The following CCDC86 variants were observed in gnomAD, a reference collection of about 807,000 sequenced individuals.
CCDC86 encodes the protein coiled-coil domain-containing protein 86.
CCDC86 carries 28 observed loss-of-function variants against 36.7 expected under a neutral mutation model. The ratio of observed to expected loss-of-function variants is 0.76; its 90% CI spans 0.57 to 1.05. CCDC86 has a LOEUF of 1.05. Among genes scored for constraint, CCDC86 ranks in the 50% least tolerant of loss-of-function variants. The pLI is 0.00. For missense variants in CCDC86, 453 were observed against 470.2 expected (o/e 0.96, Z 0.34); for synonymous variants, 199 against 203.4 (o/e 0.98, Z 0.18).
At position 60,842,793 on chromosome 11, in the gene CCDC86, G is replaced by T. The variant is rs762015618; in HGVS notation, c.669G>T (p.Ala223=). 2 of 1,611,688 alleles carry T rather than the reference G, an allele frequency of 1.2e-6. No homozygotes were observed. Among genetic ancestry groups the T allele is most frequent in the Admixed American group, 3.3e-5 (2 of 59,796 alleles). Residue 223 remains alanine, a synonymous_variant, in exon 1 of 4, where the codon GCG becomes GCT. Coordinates refer to ENST00000227520, the MANE Select transcript of CCDC86 (RefSeq NM_024098.4). ...AAGGTTCTTCATCCCAGGCCCCAGC[G>T]TCCAAGAAGTTGAATAAAGAGGAGC... The part of the protein sequence containing the change: ...KRKGSSSQAP[A]SKKLNKEELP...
chr11:60,844,182 G>C (rs1855156824), intron 1 of CCDC86, among the ~76,000 whole-genome samples: 1 of 152,160 alleles, frequency 6.6e-6, no homozygotes, highest in South Asian at 2.1e-4. Flanking sequence ...TGAGCTAGAG[G>C]GGGCTGGGCC....
At chr11:60,843,017 A>T in intron 1 of CCDC86, 135 bp downstream of exon 1, 1 of 1,199,884 alleles carries the variant, frequency 8.3e-7, no homozygotes, top group African/African-American at 1.5e-5. Flanking sequence ...GCAAACAGGT[A>T]ATTACAATCA....
chr11:60,842,492 A>T lies in CCDC86; in HGVS notation c.368A>T (p.Glu123Val). Residue 123 changes from glutamate to valine, a missense_variant, in exon 1 of 4, where the codon GAG becomes GTG. Transcript: ENST00000227520. ...CGATGTCAGCCGAAGCCAAGTGAGGAGGCACCAAAGTGTTCTCAGGACCAG... is the reference window on the plus strand; with the variant it reads ...CGATGTCAGCCGAAGCCAAGTGAGGTGGCACCAAAGTGTTCTCAGGACCAG... The part of the protein sequence containing the change: ...SPRCQPKPSE[E>V]APKCSQDQGV... The T allele has an allele frequency of 6.2e-7, 1 of 1,613,716 alleles. No homozygotes were observed. Among genetic ancestry groups the T allele is most frequent in the Non-Finnish European group, 8.5e-7 (1 of 1,179,872 alleles).
Position 60,842,262 on chromosome 11 carries a change from G to A in CCDC86, c.138G>A (p.Gly46=), listed in dbSNP as rs1855128132. 6.2e-7 allele frequency: 1 copy of A among 1,613,456 alleles called. No homozygotes were observed. Among genetic ancestry groups the A allele is most frequent in the African/African-American group, 1.3e-5 (1 of 75,044 alleles). ...ACCCAGAAGAAACGAGGGAGCCCGG[G>A]TCTCCTCCGAGTGTGCAGCGGGCTG... ...ESNPEETREP[G]SPPSVQRAGL... The change falls in exon 1 of 4, where the codon GGG becomes GGA. Residue 46 remains glycine (G), a synonymous_variant. Coordinates refer to ENST00000227520, the MANE Select transcript of CCDC86 (RefSeq NM_024098.4).
chr11:60,843,836 G>A (rs1013364421), intron 1 of CCDC86, among the ~76,000 whole-genome samples: 4 of 152,174 alleles, frequency 2.6e-5, no homozygotes, highest in African/African-American at 7.2e-5. Context: ...GCCAGGCTTC[G>A]TGCTAGGCCC....
chr11:60,843,591 C>T (rs988701152), intron 1 of CCDC86, among the ~76,000 whole-genome samples: 2 of 152,180 alleles, frequency 1.3e-5, no homozygotes, highest in African/African-American at 4.8e-5. Context: ...GGGGCAGGCA[C>T]GAGATCTTTC....
chr11:60,845,742 T>C (rs895927028), intron 1 of CCDC86, among the ~76,000 whole-genome samples: 1 of 152,250 alleles, frequency 6.6e-6, no homozygotes, highest in Admixed American at 6.5e-5. Context: ...ATTACGTGTG[T>C]GTGTCGATTA....
intron 1 of CCDC86, chr11:60,847,580 G>A (rs1389475421): frequency 5.9e-6 from 1 of 170,648 alleles, no homozygotes; most frequent in Admixed American, 6.1e-5. Flanking sequence ...GCGTAGCCTG[G>A]ACTCTGCAGT....
At chr11:60,847,699 C>T (rs1233166330) in intron 1 of CCDC86, 2 of 420,224 alleles carry the variant, frequency 4.8e-6, no homozygotes, top group African/African-American at 2.1e-5. Flanking sequence ...GGAGTACCCA[C>T]CTCAGAGGCA....
chr11:60,850,334 C>T lies in CCDC86; in HGVS notation c.*9C>T, dbSNP rs746574946. 1.7e-5 allele frequency: 28 copies of T among 1,612,464 alleles called. No homozygotes were observed. Among genetic ancestry groups the T allele is most frequent in the African/African-American group, 4.0e-5 (3 of 74,908 alleles). On this transcript the variant is annotated 3_prime_UTR_variant, in exon 4 of 4. Coordinates refer to ENST00000227520, the MANE Select transcript of CCDC86 (RefSeq NM_024098.4). ...CGGCAGCCAAGATCTGAGCTCAGGA[C>T]GGCCCGAGGCCTTCCATGGCCAACA...
intron 2 of CCDC86, among the ~76,000 whole-genome samples, chr11:60,849,472 C>T: frequency 6.6e-6 from 1 of 152,236 alleles, no homozygotes; most frequent in African/African-American, 2.4e-5. Flanking sequence ...TGCCCAGCCC[C>T]ACACCTGTGA....
chr11:60,845,529 C>T (rs1002406908), intron 1 of CCDC86, among the ~76,000 whole-genome samples: 6 of 152,186 alleles, frequency 3.9e-5, no homozygotes, highest in Non-Finnish European at 5.9e-5. Context: ...GGAGCAGCTT[C>T]GGTGGGTAGT....
At chr11:60,842,955 G>C in intron 1 of CCDC86, 73 bp downstream of exon 1, 1 of 1,497,994 alleles carries the variant, frequency 6.7e-7, no homozygotes, top group Non-Finnish European at 8.9e-7. Flanking sequence ...CCCTGCTGCA[G>C]CCTGGAGAAT....
rs1442962351 is a variant in CCDC86 at position 60,849,957 on chromosome 11, G to A, written c.906G>A (p.Arg302=). 1.9e-6 allele frequency: 3 copies of A among 1,613,992 alleles called. No individual in the cohort carries two copies. The South Asian group carries it at 3.3e-5, about 18-fold the overall frequency. ...TGTTCCAGGAGAAGAAACAGCGCCGGGCTGAGAACCTGAAACGCCGCCTGG... is the reference window on the plus strand; with the variant it reads ...TGTTCCAGGAGAAGAAACAGCGCCGAGCTGAGAACCTGAAACGCCGCCTGG... ...ERRRQEKKQR[R]AENLKRRLEN... The change falls in exon 3 of 4, where the codon CGG becomes CGA. Residue 302 remains arginine (R), a synonymous_variant. Transcript: ENST00000227520.
In CCDC86 at chr11:60,848,036, A is replaced by G. The variant is rs372994199; in HGVS notation, c.871A>G (p.Lys291Glu). The change falls in exon 2 of 4, where the codon AAG becomes GAG. Residue 291 changes from lysine (K) to glutamate (E), a missense_variant. Coordinates refer to ENST00000227520, the MANE Select transcript of CCDC86 (RefSeq NM_024098.4). The stretch of plus-strand genomic sequence containing the variant: ...CTTTGCCCGTCACCTGGAGGAGGAG[A>G]AGGAGAGGCGCCGCCAGGTGAGGGG... ...KDFARHLEEE[K>E]ERRRQEKKQR... 7 of 1,613,042 alleles carry G rather than the reference A, an allele frequency of 4.3e-6. No individual in the cohort carries two copies. Among genetic ancestry groups the G allele is most frequent in the East Asian group, 2.2e-5 (1 of 44,818 alleles).
At chr11:60,847,853 G>A in intron 1 of CCDC86, 71 bp from the exon 2 acceptor site, 1 of 1,496,268 alleles carries the variant, frequency 6.7e-7, no homozygotes, top group Non-Finnish European at 9.0e-7. Context: ...AGAGCCTCCG[G>A]CCGAGAGGAG....
intron 2 of CCDC86, among the ~76,000 whole-genome samples, chr11:60,849,696 A>T (rs1186539149): frequency 6.6e-6 from 1 of 152,152 alleles, no homozygotes; most frequent in African/African-American, 2.4e-5. Flanking sequence ...CCCTGTCCTC[A>T]GTTGCCTGTC....
rs568650604 is a variant in CCDC86, at chr11:60,843,858, C to T, written c.758+976C>T. 2.0e-5 allele frequency among the ~76,000 whole-genome samples: 3 copies of T among 152,292 alleles called. No homozygotes were observed. In the South Asian group the frequency reaches 6.2e-4, roughly 32 times the overall value. ...TTCGTGCTAGGCCCTTTTCTTGTAT[C>T]CTTAAAACCCTAGGCTGTGGATATT... On this transcript the variant is annotated intron_variant, in intron 1 of 3. Coordinates refer to ENST00000227520, the MANE Select transcript of CCDC86 (RefSeq NM_024098.4).
rs374168203 is a variant in CCDC86, at chr11:60,849,973, C to T, written c.922C>T (p.Arg308Cys). The T allele has an allele frequency of 1.3e-5, 21 of 1,614,068 alleles. No individual in the cohort carries two copies. The highest frequency in any genetic ancestry group is 2.2e-5 in the East Asian group (1 of 44,886). Reference sequence around the variant, plus strand: ...ACAGCGCCGGGCTGAGAACCTGAAACGCCGCCTGGAGAATGAGCGGAAGGC... The same window carrying T: ...ACAGCGCCGGGCTGAGAACCTGAAATGCCGCCTGGAGAATGAGCGGAAGGC... ...KKQRRAENLK[R>C]RLENERKAEV... is the part of the protein sequence containing the mutation. Residue 308 changes from arginine to cysteine, a missense_variant, in exon 3 of 4, where the codon CGC becomes TGC. Arg to Cys is a radical substitution (Grantham distance 180). Coordinates refer to ENST00000227520, the MANE Select transcript of CCDC86 (RefSeq NM_024098.4).
Sources: gnomAD v4.1 joint callset for allele counts (sites outside exome capture counted in the v4.1 genomes callset) on GRCh38, gnomAD v4.1.1 for gene constraint, MANE v1.5 for transcripts, NCBI Gene and HGNC (gene_info 2026-07-23, HGNC 2026-07-21) for gene names.